The following ANKFY1 variants were observed in gnomAD, a reference collection of about 807,000 sequenced individuals.
The protein encoded by ANKFY1 is ankyrin repeat and FYVE domain containing 1.
Under a neutral mutation model 128.3 loss-of-function variants are expected in ANKFY1, and 47 were observed. That is an observed-to-expected ratio of 0.37 (90% CI 0.29 to 0.47). The LOEUF (loss-of-function observed/expected upper bound fraction) is 0.47. Ranked by LOEUF, ANKFY1 falls within the 20% of genes least tolerant of loss-of-function variation. The pLI is 1.00. For synonymous variants in ANKFY1, 553 were observed against 601.6 expected (o/e 0.92, Z 1.18); for missense variants, 1,222 against 1,510.6 (o/e 0.81, Z 3.17).
chr17:4,219,599 G>T (rs371110382), intron 3 of ANKFY1, among the ~76,000 whole-genome samples: 1 of 152,018 alleles, frequency 6.6e-6, no homozygotes, highest in Non-Finnish European at 1.5e-5. Flanking sequence ...TTTCCAACTA[G>T]AGTGGGAAGG....
At position 4,206,502 on chromosome 17, in the gene ANKFY1, T is replaced by C. The variant is rs1293912166; in HGVS notation, c.733-16A>G. 14 of 1,602,966 alleles carry C rather than the reference T, an allele frequency of 8.7e-6. No individual in the cohort carries two copies. The highest frequency in any genetic ancestry group is 1.2e-5 in the Non-Finnish European group (14 of 1,170,658). On this transcript the variant is annotated splice_polypyrimidine_tract_variant and intron_variant, in intron 6 of 24. Coordinates refer to ENST00000341657, the MANE Select transcript of ANKFY1 (RefSeq NM_001330063.2). The stretch of plus-strand genomic sequence containing the variant: ...TCCCAGGGAGCTACACAAACAAGTT[T>C]GTAAATTAGCGCCCAGTGAGTAGAG...
chr17:4,203,397 A>G (rs2059967230), intron 7 of ANKFY1, among the ~76,000 whole-genome samples: 1 of 152,194 alleles, frequency 6.6e-6, no homozygotes, highest in Non-Finnish European at 1.5e-5. Context: ...CTTTCAATGC[A>G]GCTTCTTGAT....
At chr17:4,192,323 T>C (rs1296030946) in intron 10 of ANKFY1, among the ~76,000 whole-genome samples, 1 of 144,080 alleles carries the variant, frequency 6.9e-6, no homozygotes, top group East Asian at 2.2e-4. Flanking sequence ...CTGGAGACTC[T>C]TAGTTGATGG....
rs1283843692 is a variant in ANKFY1 at position 4,242,366 on chromosome 17, C to A, written c.93G>T (p.Glu31Asp). 2.5e-6 allele frequency: 4 copies of A among 1,605,572 alleles called. No individual in the cohort carries two copies. The Admixed American group carries it at 6.8e-5, about 27-fold the overall frequency. The change falls in exon 2 of 25, where the codon GAG becomes GAT. Residue 31 changes from glutamate to aspartate, a missense_variant. Physicochemically the swap from Glu to Asp is conservative, Grantham distance 45 (BLOSUM62 2). Transcript: ENST00000341657. ...VKLQKKLAET[E>D]KRCALLAAQA... Reference sequence around the variant, plus strand: ...GCGCAGCCAAGAGAGCGCAGCGCTTCTCTGTCTCCGCCAGCTTCTTCTGCA... The same window carrying A: ...GCGCAGCCAAGAGAGCGCAGCGCTTATCTGTCTCCGCCAGCTTCTTCTGCA...
chr17:4,211,805 G>A (rs1344785669), intron 4 of ANKFY1, among the ~76,000 whole-genome samples: 1 of 152,036 alleles, frequency 6.6e-6, no homozygotes, highest in Non-Finnish European at 1.5e-5. Flanking sequence ...GCTGCGGTAA[G>A]AGCCCAGGAG....
chr17:4,191,599 TTACTC>T (rs1490864765), intron 10 of ANKFY1, among the ~76,000 whole-genome samples: 1 of 147,778 alleles, frequency 6.8e-6, no homozygotes, highest in African/African-American at 2.5e-5. Flanking sequence ...TAGTTGATGG[TTACTC>T]TAATCTGGAG....
At chr17:4,246,976 G>A (rs1967575403) in intron 1 of ANKFY1, among the ~76,000 whole-genome samples, 1 of 152,024 alleles carries the variant, frequency 6.6e-6, no homozygotes, top group Non-Finnish European at 1.5e-5. Flanking sequence ...AGCCAGGGGT[G>A]GTAGTGGGCA....
intron 23 of ANKFY1, among the ~76,000 whole-genome samples, chr17:4,170,346 G>A (rs1219116761): frequency 6.6e-6 from 1 of 152,216 alleles, no homozygotes; most frequent in Non-Finnish European, 1.5e-5. Context: ...AGAGCTGATA[G>A]GGGCTGGAGC....
chr17:4,202,423 G>A (rs1031413816), intron 7 of ANKFY1, among the ~76,000 whole-genome samples: 1 of 149,614 alleles, frequency 6.7e-6, no homozygotes, highest in Non-Finnish European at 1.5e-5. Context: ...AAGAGGCCGG[G>A]CGCAGTGGCT....
intron 3 of ANKFY1, among the ~76,000 whole-genome samples, chr17:4,235,301 A>G (rs2143286095): frequency 1.4e-5 from 2 of 140,178 alleles, no homozygotes; most frequent in South Asian, 4.5e-4. Flanking sequence ...CGAGATCACT[A>G]TTGCACTCCA....
chr17:4,220,440 C>T (rs2060291401), intron 3 of ANKFY1, among the ~76,000 whole-genome samples: 1 of 152,140 alleles, frequency 6.6e-6, no homozygotes, highest in South Asian at 2.1e-4. Context: ...TGAGAGAATC[C>T]CCAGCACCAA....
At position 4,172,278 on chromosome 17, in the gene ANKFY1, G is replaced by A. The variant is rs544328554; in HGVS notation, c.3139+278C>T. On this transcript the variant is annotated intron_variant, in intron 22 of 24. Coordinates refer to ENST00000341657, the MANE Select transcript of ANKFY1 (RefSeq NM_001330063.2). ...GCTTGCATAGGACCCTATTTGACTG[G>A]ACAAAAGGCAAATGAGGGAAATAAA... is the stretch of plus-strand genomic sequence containing the variant. 2.0e-5 allele frequency among the ~76,000 whole-genome samples: 3 copies of A among 152,276 alleles called. No homozygotes were observed. In the East Asian group the frequency reaches 5.8e-4, roughly 29 times the overall value.
Position 4,169,942 on chromosome 17 carries a change from C to T in ANKFY1, c.3287-654G>A, listed in dbSNP as rs1007417752. 6.6e-6 allele frequency among the ~76,000 whole-genome samples: 1 copy of T among 152,182 alleles called. No individual in the cohort carries two copies. Among genetic ancestry groups the T allele is most frequent in the Non-Finnish European group, 1.5e-5 (1 of 68,040 alleles). ...GACAGGTCCACTGAGCTCATGGGGACGGAGCAGCACGTGAGTCCGTCAGTT... is the reference window on the plus strand; with the variant it reads ...GACAGGTCCACTGAGCTCATGGGGATGGAGCAGCACGTGAGTCCGTCAGTT... On this transcript the variant is annotated intron_variant, in intron 23 of 24. Transcript: ENST00000341657. This position sits in a 1 kb window ranked among gnomAD's most constrained non-coding sequence, Gnocchi z 5.0.
At chr17:4,168,350 G>A (rs1403549899) in intron 24 of ANKFY1, among the ~76,000 whole-genome samples, 1 of 152,084 alleles carries the variant, frequency 6.6e-6, no homozygotes, top group East Asian at 1.9e-4. Flanking sequence ...CTGCTCAGGA[G>A]GCTGAGGAAT....
chr17:4,169,100 A>G lies in ANKFY1; in HGVS notation c.3377+98T>C. ...GGTCAAGGTTTGCCCATCAATGTGC[A>G]GGACCCAGGCAAGTTCACGGCCTGT... On this transcript the variant is annotated intron_variant, in intron 24 of 24. Coordinates refer to ENST00000341657, the MANE Select transcript of ANKFY1 (RefSeq NM_001330063.2). The surrounding 1 kb of genome is among the most constrained non-coding windows in gnomAD (Gnocchi z 5.0). 1 of 1,139,920 alleles carries G rather than the reference A, an allele frequency of 8.8e-7. No individual in the cohort carries two copies. The highest frequency in any genetic ancestry group is 1.3e-6 in the Non-Finnish European group (1 of 783,072). 70.6% of individuals were successfully genotyped at this position (1,139,920 alleles called of 1,614,324 possible). A position where few individuals can be genotyped will look rare whatever the true frequency, so the allele number is the denominator to read the frequency against.
At chr17:4,218,954 T>C (rs1019841446) in intron 3 of ANKFY1, among the ~76,000 whole-genome samples, 2 of 152,126 alleles carry the variant, frequency 1.3e-5, no homozygotes, top group Non-Finnish European at 2.9e-5. Flanking sequence ...TACATATATA[T>C]ATAATACCTA....
At chr17:4,216,600 A>T in intron 4 of ANKFY1, 1 of 305,120 alleles carries the variant, frequency 3.3e-6, no homozygotes. Flanking sequence ...ATTGTTTCCA[A>T]CAAAGAGACT....
At chr17:4,186,326 A>G (rs1209736732) in intron 11 of ANKFY1, 4 of 152,904 alleles carry the variant, frequency 2.6e-5, no homozygotes. Flanking sequence ...TGTAAAAATC[A>G]GCAAGATCCC....
At chr17:4,253,948 CTAAG>C (rs1342364102) in intron 1 of ANKFY1, among the ~76,000 whole-genome samples, 1 of 152,164 alleles carries the variant, frequency 6.6e-6, no homozygotes, top group Non-Finnish European at 1.5e-5. Context: ...ACAACAACAA[CTAAG>C]TGTCTCTGCA....
Sources: allele counts gnomAD v4.1 joint callset (sites outside exome capture counted in the v4.1 genomes callset), GRCh38; gene constraint gnomAD v4.1.1; non-coding constraint Gnocchi (gnomAD v3.1); transcripts MANE v1.5; gene names NCBI Gene and HGNC (gene_info 2026-07-23, HGNC 2026-07-21).